Variants in STXBP5L observed in about 807,000 individuals in gnomAD.
The protein encoded by STXBP5L is syntaxin-binding protein 5-like.
STXBP5L carries 65 observed loss-of-function variants against 144.5 expected under a neutral mutation model. The observed-to-expected ratio is 0.45, with a 90% CI of 0.37 to 0.55. The LOEUF is 0.55. Among genes scored for constraint, STXBP5L ranks in the 20% least tolerant of loss-of-function variants. The pLI is 0.00. For missense variants in STXBP5L, 1,298 were observed against 1,405.5 expected, an observed-to-expected ratio of 0.92 and a Z score of 1.22; for synonymous variants, 505 against 469.6, an observed-to-expected ratio of 1.08 and a Z score of -0.97.
In STXBP5L at chr3:121,407,371, A is replaced by G. The variant is rs772460530; in HGVS notation, c.2716A>G (p.Arg906Gly). ...NNIDENEKSW[R>G]RKVVMNSSSA... The stretch of plus-strand genomic sequence containing the variant: ...CATAGATGAAAATGAAAAATCTTGG[A>G]GAAGGAAAGTGGTAATGAACTCATC... The change falls in exon 23 of 27, where the codon AGA becomes GGA. Residue 906 changes from arginine (R) to glycine (G), a missense_variant. Physicochemically the swap from Arg to Gly is moderately radical, Grantham distance 125. Coordinates refer to ENST00000471454, the MANE Select transcript of STXBP5L (RefSeq NM_001308330.2). 2 of 1,613,062 alleles carry G rather than the reference A, an allele frequency of 1.2e-6. No homozygotes were observed. Among genetic ancestry groups the G allele is most frequent in the Non-Finnish European group, 1.7e-6 (2 of 1,179,354 alleles).
chr3:121,382,968 T>C (rs1264658092), intron 22 of STXBP5L, among the ~76,000 whole-genome samples: 3 of 152,110 alleles, frequency 2.0e-5, no homozygotes, highest in African/African-American at 7.2e-5. Context: ...TTCAAGACTC[T>C]AGTTAATAAT....
intron 3 of STXBP5L, among the ~76,000 whole-genome samples, chr3:120,972,494 A>G (rs1218715682): frequency 6.6e-6 from 1 of 152,156 alleles, no homozygotes; most frequent in Non-Finnish European, 1.5e-5. Flanking sequence ...TTTTGTAGAT[A>G]TAAGAATATG....
At chr3:121,211,545 C>G (rs2048566001) in intron 10 of STXBP5L, among the ~76,000 whole-genome samples, 1 of 151,258 alleles carries the variant, frequency 6.6e-6, no homozygotes, top group South Asian at 2.1e-4. Context: ...TACATCTTCT[C>G]CAGCATCTCT....
chr3:121,118,376 G>A (rs9832737), intron 6 of STXBP5L, among the ~76,000 whole-genome samples: 15,071 of 151,564 alleles, frequency 0.099, 1,181 homozygotes, highest in Admixed American at 0.2. Context: ...AGAACATTCC[G>A]GGCAGAGGGA....
chr3:121,061,067 G>A (rs138347349), intron 5 of STXBP5L, among the ~76,000 whole-genome samples: 1 of 152,148 alleles, frequency 6.6e-6, no homozygotes, highest in African/African-American at 2.4e-5. Flanking sequence ...TGATGTTAGG[G>A]TATTGATTTT....
At chr3:121,392,770 C>CATGCATAT (rs1022189800) in intron 22 of STXBP5L, among the ~76,000 whole-genome samples, 2 of 112,386 alleles carry the variant, frequency 1.8e-5, no homozygotes, top group African/African-American at 7.1e-5. Flanking sequence ...TATTTCATGG[C>CATGCATAT]ATATATATAT....
At chr3:121,073,246 GC>G (rs2041881318) in intron 5 of STXBP5L, among the ~76,000 whole-genome samples, 4 of 152,232 alleles carry the variant, frequency 2.6e-5, no homozygotes, top group African/African-American at 9.6e-5. Context: ...TCTGTTGGCA[GC>G]AGTGTGGCTG....
At chr3:121,263,798 A>C (rs562813375) in intron 18 of STXBP5L, among the ~76,000 whole-genome samples, 1 of 152,288 alleles carries the variant, frequency 6.6e-6, no homozygotes, top group South Asian at 2.1e-4. Flanking sequence ...AGCCTCCAAG[A>C]AATATGGGAC....
At chr3:121,145,388 A>G (rs527377455) in intron 7 of STXBP5L, among the ~76,000 whole-genome samples, 2 of 152,068 alleles carry the variant, frequency 1.3e-5, no homozygotes, top group Admixed American at 6.6e-5. Context: ...AAGTCTTTGA[A>G]TAAAATTTAG....
At chr3:121,177,070 A>G (rs565028082) in intron 9 of STXBP5L, among the ~76,000 whole-genome samples, 5 of 148,762 alleles carry the variant, frequency 3.4e-5, no homozygotes, top group South Asian at 2.1e-4. Context: ...TGCTAGGCCA[A>G]TATGCAAAAA....
chr3:121,316,686 CA>C (rs1487554471), intron 19 of STXBP5L, among the ~76,000 whole-genome samples: 2 of 152,170 alleles, frequency 1.3e-5, no homozygotes, highest in East Asian at 3.8e-4. Flanking sequence ...ACTATTACTA[CA>C]AAGAGCGTGT....
chr3:121,067,015 G>A (rs944396254), intron 5 of STXBP5L, among the ~76,000 whole-genome samples: 6 of 151,976 alleles, frequency 3.9e-5, no homozygotes, highest in African/African-American at 1.2e-4. Flanking sequence ...AGGGCCTGTA[G>A]TAGTTTACTA....
chr3:121,198,146 C>T (rs2047995191), intron 9 of STXBP5L, among the ~76,000 whole-genome samples: 1 of 152,176 alleles, frequency 6.6e-6, no homozygotes, highest in Non-Finnish European at 1.5e-5. Context: ...TTCACAGACT[C>T]ACCAGCGTCT....
At chr3:121,283,895 T>TTGTG (rs59432986) in intron 19 of STXBP5L, among the ~76,000 whole-genome samples, 1,747 of 116,166 alleles carry the variant, frequency 0.015, 29 homozygotes, top group African/African-American at 0.051. Context: ...GTGTGTGTGC[T>TTGTG]TGTGTGTGTG....
chr3:120,981,206 T>C (rs781146944), intron 3 of STXBP5L, among the ~76,000 whole-genome samples: 10 of 152,188 alleles, frequency 6.6e-5, no homozygotes, highest in South Asian at 2.1e-4. Flanking sequence ...TTGCAATGTA[T>C]CTTCCAGGAG....
chr3:121,290,799 C>T (rs761944618), intron 19 of STXBP5L, among the ~76,000 whole-genome samples: 13 of 151,906 alleles, frequency 8.6e-5, no homozygotes, highest in Admixed American at 1.3e-4. Context: ...AATTTAAAAT[C>T]GTATGATCAT....
At chr3:121,215,983 C>G (rs1203613784) in intron 10 of STXBP5L, among the ~76,000 whole-genome samples, 2 of 152,280 alleles carry the variant, frequency 1.3e-5, no homozygotes, top group Admixed American at 1.3e-4. Flanking sequence ...CTTTCTTTCA[C>G]TTATCAATTT....
intron 2 of STXBP5L, among the ~76,000 whole-genome samples, chr3:120,923,330 A>G (rs993639546): frequency 6.6e-5 from 10 of 151,118 alleles, no homozygotes; most frequent in African/African-American, 2.4e-4. Flanking sequence ...TTTTATTCTC[A>G]ACTTTATTAT....
At chr3:120,931,660 A>G (rs919081263) in intron 2 of STXBP5L, among the ~76,000 whole-genome samples, 1 of 152,186 alleles carries the variant, frequency 6.6e-6, no homozygotes, top group African/African-American at 2.4e-5. Flanking sequence ...TAAGAACTAG[A>G]TAAGAAAAAA....
Sources: gnomAD v4.1 joint callset for allele counts (sites outside exome capture counted in the v4.1 genomes callset) on GRCh38, gnomAD v4.1.1 for gene constraint, MANE v1.5 for transcripts, NCBI Gene and HGNC (gene_info 2026-07-23, HGNC 2026-07-21) for gene names.